Variants in CYP2J2 observed in about 807,000 individuals in gnomAD.
CYP2J2 encodes the protein cytochrome P450 family 2 subfamily J member 2.
Under a neutral mutation model 48.8 loss-of-function variants are expected in CYP2J2, and 41 were observed. The ratio of observed to expected loss-of-function variants is 0.84; its 90% CI spans 0.66 to 1.09. CYP2J2 has a LOEUF of 1.09. CYP2J2 is among the 50% of genes least tolerant of loss of function. The pLI, the probability that CYP2J2 is intolerant of heterozygous loss-of-function variation, is 0.00. For synonymous variants in CYP2J2, 221 were observed against 227.1 expected (o/e 0.97, Z 0.24); for missense variants, 644 against 617.3 (o/e 1.04, Z -0.46).
chr1:59,950,929 C>T, the CYP2J2 span, among the ~76,000 whole-genome samples: 1 of 151,998 alleles, frequency 6.6e-6, no homozygotes, highest in Admixed American at 6.6e-5. Flanking sequence ...CAGAAGCTGC[C>T]AGGCTTCTTA....
At chr1:59,915,556 A>G (rs532162193) in intron 2 of CYP2J2, among the ~76,000 whole-genome samples, 24 of 152,244 alleles carry the variant, frequency 1.6e-4, no homozygotes, top group Non-Finnish European at 1.6e-4. Context: ...ATAAGGAAAT[A>G]GAGACAGGAA....
intron 1 of CYP2J2, 84 bp downstream of exon 1, chr1:59,926,452 AC>A (rs1446229370): frequency 8.5e-7 from 1 of 1,175,752 alleles, no homozygotes; most frequent in African/African-American, 1.5e-5. Context: ...TTCATCCCCC[AC>A]CCCACCCACG....
intron 4 of CYP2J2, among the ~76,000 whole-genome samples, 160 bp downstream of exon 4, chr1:59,911,448 A>C (rs1228970293): frequency 6.6e-6 from 1 of 152,232 alleles, no homozygotes. Flanking sequence ...TAAAAAACTA[A>C]AGTCAATAGA....
chr1:59,907,976 C>A, intron 5 of CYP2J2, 49 bp from the exon 6 acceptor site: 1 of 1,586,040 alleles, frequency 6.3e-7, no homozygotes, highest in South Asian at 1.1e-5. Context: ...TCAGAGGATT[C>A]CTGATTGCCG....
At chr1:59,921,769 G>T (rs984636435) in intron 1 of CYP2J2, among the ~76,000 whole-genome samples, 1 of 152,022 alleles carries the variant, frequency 6.6e-6, no homozygotes, top group Non-Finnish European at 1.5e-5. Flanking sequence ...GAAGAGCCAT[G>T]GCAAGATTAA....
chr1:59,949,594 A>G, the CYP2J2 span, among the ~76,000 whole-genome samples: 1 of 152,124 alleles, frequency 6.6e-6, no homozygotes, highest in Non-Finnish European at 1.5e-5. Flanking sequence ...GGCTAATTCC[A>G]TAAAGTCTCA....
chr1:59,935,295 A>G, the CYP2J2 span, among the ~76,000 whole-genome samples: 4 of 152,106 alleles, frequency 2.6e-5, no homozygotes, highest in African/African-American at 9.6e-5. Context: ...ACACACCTGC[A>G]GTTATAAGAC....
At chr1:59,935,041 T>TATATATATAC in the CYP2J2 span, among the ~76,000 whole-genome samples, 1 of 103,104 alleles carries the variant, frequency 9.7e-6, no homozygotes, top group African/African-American at 3.8e-5. Context: ...TATATATATA[T>TATATATATAC]ATATATATAT....
chr1:59,947,032 C>A, the CYP2J2 span, among the ~76,000 whole-genome samples: 2 of 151,978 alleles, frequency 1.3e-5, no homozygotes, highest in Admixed American at 6.6e-5. Context: ...TGAAGGATAG[C>A]CCCAAACTAT....
chr1:59,960,843 A>T, the CYP2J2 span, among the ~76,000 whole-genome samples: 1 of 152,178 alleles, frequency 6.6e-6, no homozygotes, highest in African/African-American at 2.4e-5. Flanking sequence ...CCATCATCTT[A>T]AAAAGAAAAT....
At chr1:59,912,344 T>C (rs745983986) in intron 2 of CYP2J2, 33 bp from the exon 3 acceptor site, 24 of 1,589,848 alleles carry the variant, frequency 1.5e-5, no homozygotes, top group South Asian at 2.3e-5. Flanking sequence ...TACAGTATTC[T>C]GATTCCATAA....
chr1:59,919,014 T>G (rs1644490012), intron 1 of CYP2J2, among the ~76,000 whole-genome samples: 1 of 152,106 alleles, frequency 6.6e-6, no homozygotes, highest in African/African-American at 2.4e-5. Flanking sequence ...TTCTTAAATT[T>G]AATAACCAAC....
chr1:59,904,827 T>A (rs1241187453), intron 7 of CYP2J2, 44 bp downstream of exon 7: 3 of 1,542,436 alleles, frequency 1.9e-6, no homozygotes, highest in Non-Finnish European at 2.7e-6. Context: ...CAAGTTCAAG[T>A]TTCTACCCCC....
At chr1:59,943,250 C>T in the CYP2J2 span, among the ~76,000 whole-genome samples, 1 of 152,104 alleles carries the variant, frequency 6.6e-6, no homozygotes, top group Non-Finnish European at 1.5e-5. Flanking sequence ...CTGAAAGACT[C>T]TTAGATCTGC....
At chr1:59,935,039 T>A in the CYP2J2 span, among the ~76,000 whole-genome samples, 1 of 100,418 alleles carries the variant, frequency 1.0e-5, no homozygotes, top group African/African-American at 3.9e-5. Context: ...TATATATATA[T>A]ATATATATAT....
chr1:59,921,206 C>A (rs1021644870), intron 1 of CYP2J2, among the ~76,000 whole-genome samples: 2 of 152,130 alleles, frequency 1.3e-5, no homozygotes, highest in African/African-American at 4.8e-5. Context: ...GTCCTCTAAC[C>A]ATGTCATGAA....
the CYP2J2 span, among the ~76,000 whole-genome samples, chr1:59,935,015 C>CATATATATATATATATATACATAT: frequency 2.1e-5 from 1 of 47,494 alleles, no homozygotes; most frequent in Non-Finnish European, 4.2e-5. Flanking sequence ...TATATATATA[C>CATATATATATATATATATACATAT]ATATATATAT....
At chr1:59,968,720 T>C in the CYP2J2 span, among the ~76,000 whole-genome samples, 1 of 152,212 alleles carries the variant, frequency 6.6e-6, no homozygotes, top group African/African-American at 2.4e-5. Context: ...AACCAGCACA[T>C]GCAGGTCACT....
At chr1:59,949,976 T>C in the CYP2J2 span, among the ~76,000 whole-genome samples, 1 of 152,154 alleles carries the variant, frequency 6.6e-6, no homozygotes, top group African/African-American at 2.4e-5. Flanking sequence ...TTGTTCTGTA[T>C]CATCTGACCT....
Sources: gnomAD v4.1 joint callset for allele counts (sites outside exome capture counted in the v4.1 genomes callset) on GRCh38, gnomAD v4.1.1 for gene constraint, MANE v1.5 for transcripts, NCBI Gene and HGNC (gene_info 2026-07-23, HGNC 2026-07-21) for gene names.